POU2F2: variants seen among roughly 807,000 people sequenced by gnomAD.
POU2F2 encodes POU domain, class 2, transcription factor 2.
In POU2F2, 14 loss-of-function variants were observed where a neutral mutation model predicts 63.5. That is an observed-to-expected ratio of 0.22 (90% CI 0.15 to 0.34). The LOEUF (loss-of-function observed/expected upper bound fraction) is 0.34, where lower values mean the gene tolerates loss of function less well. Ranked by LOEUF, POU2F2 falls within the 10% of genes least tolerant of loss-of-function variation. The pLI is 1.00. For synonymous variants in POU2F2, 306 were observed against 348.6 expected (o/e 0.88, Z 1.36); for missense variants, 607 against 815.2 (o/e 0.74, Z 3.11).
chr19:42,099,127 G>T (rs571000477), intron 7 of POU2F2, among the ~76,000 whole-genome samples: 1 of 152,220 alleles, frequency 6.6e-6, no homozygotes, highest in Non-Finnish European at 1.5e-5. Context: ...ATCACCTAAC[G>T]AATGCCTTGT....
chr19:42,182,851 C>A (rs2034977294), intron 1 of POU2F2, among the ~76,000 whole-genome samples: 1 of 152,060 alleles, frequency 6.6e-6, no homozygotes, highest in African/African-American at 2.4e-5. Context: ...GAGGCCAGGG[C>A]TCAGTGGTGT....
chr19:42,179,878 T>C (rs2034941553), upstream of POU2F2, among the ~76,000 whole-genome samples: 1 of 152,142 alleles, frequency 6.6e-6, no homozygotes, highest in Non-Finnish European at 1.5e-5. Flanking sequence ...GGACCCGCAC[T>C]GTGTGCGCAA....
chr19:42,135,705 C>CT (rs574885235), upstream of POU2F2, among the ~76,000 whole-genome samples: 1,039 of 141,314 alleles, frequency 7.4e-3, 7 homozygotes, highest in South Asian at 0.024. Context: ...AGTCCAGGCT[C>CT]TTTTTTTTTT....
chr19:42,166,123 C>T (rs892885381), intron 1 of POU2F2, among the ~76,000 whole-genome samples: 14 of 152,320 alleles, frequency 9.2e-5, no homozygotes, highest in Admixed American at 3.9e-4. Context: ...GGCCCCCAAA[C>T]TATCTCTTGG....
intron 1 of POU2F2, among the ~76,000 whole-genome samples, chr19:42,128,640 G>T (rs766859931): frequency 1.4e-4 from 21 of 152,110 alleles, no homozygotes; most frequent in Admixed American, 2.6e-4. Context: ...GGACTCCAGG[G>T]CACTAGCAAT....
intron 1 of POU2F2, among the ~76,000 whole-genome samples, chr19:42,195,667 TTCCC>T (rs1360457781): frequency 2.9e-5 from 4 of 139,224 alleles, no homozygotes; most frequent in Admixed American, 7.0e-5. Flanking sequence ...CCCTTCCTCT[TTCCC>T]TCCCTCCCTT....
chr19:42,160,177 A>C (rs2034527645), intron 2 of POU2F2, among the ~76,000 whole-genome samples: 1 of 152,168 alleles, frequency 6.6e-6, no homozygotes, highest in South Asian at 2.1e-4. Flanking sequence ...GAGGGTGAGA[A>C]CAAAGCAGTC....
chr19:42,095,739 C>A lies in POU2F2; in HGVS notation c.872-46G>T. On this transcript the variant is annotated intron_variant, in intron 9 of 14. Coordinates refer to ENST00000692977, the MANE Select transcript of POU2F2 (RefSeq NM_001394376.1). The surrounding 1 kb of genome is among the most constrained non-coding windows in gnomAD (Gnocchi z 7.1). The stretch of plus-strand genomic sequence containing the variant: ...GAGCATGAGAAGGGGCCTCCCGCGG[C>A]CAGCGGCCACTGCCCGCCCCCTACG... The A allele has an allele frequency of 6.2e-7, 1 of 1,612,722 alleles. No individual in the cohort carries two copies. The highest frequency in any genetic ancestry group is 8.5e-7 in the Non-Finnish European group (1 of 1,179,844).
chr19:42,171,206 G>A (rs1267606772), intron 1 of POU2F2, among the ~76,000 whole-genome samples: 1 of 152,222 alleles, frequency 6.6e-6, no homozygotes, highest in African/African-American at 2.4e-5. Flanking sequence ...GGATTGTGAG[G>A]CTGTGTGTTT....
intron 5 of POU2F2, among the ~76,000 whole-genome samples, chr19:42,103,280 T>C (rs1316890882): frequency 6.6e-6 from 1 of 152,182 alleles, no homozygotes; most frequent in Non-Finnish European, 1.5e-5. Flanking sequence ...TACTCATTCA[T>C]GACATGCCCC....
intron 5 of POU2F2, chr19:42,116,694 A>G: frequency 3.2e-6 from 1 of 309,460 alleles, no homozygotes; most frequent in South Asian, 2.5e-5. Context: ...CCTGGTCCCC[A>G]GTGGCTGCCC....
chr19:42,111,838 A>C (rs183269223), intron 5 of POU2F2, among the ~76,000 whole-genome samples: 1 of 152,124 alleles, frequency 6.6e-6, no homozygotes, highest in East Asian at 1.9e-4. Context: ...CCTGCAGTCG[A>C]TTAGTACAGT....
At chr19:42,174,738 C>T (rs1297090546) in intron 1 of POU2F2, among the ~76,000 whole-genome samples, 2 of 151,684 alleles carry the variant, frequency 1.3e-5, no homozygotes, top group East Asian at 3.9e-4. Flanking sequence ...CCCACCAGCC[C>T]CCCACTGCAC....
chr19:42,150,483 C>T (rs1303948235), intron 2 of POU2F2, among the ~76,000 whole-genome samples: 1 of 151,250 alleles, frequency 6.6e-6, no homozygotes, highest in Non-Finnish European at 1.5e-5. Flanking sequence ...ACCAGGCTCA[C>T]ATTTGGCATT....
Position 42,090,970 on chromosome 19 carries a change from G to GA in POU2F2, c.*286_*287insT. 1 of 205,172 alleles carries GA rather than the reference G, an allele frequency of 4.9e-6. No homozygotes were observed. Among genetic ancestry groups the GA allele is most frequent in the South Asian group, 1.5e-4 (1 of 6,736 alleles). The allele number at this position is 205,172 out of a possible 1,614,324, so 12.7% of individuals were successfully genotyped here. On this transcript the variant is annotated 3_prime_UTR_variant, in exon 15 of 15. Transcript: ENST00000692977. This position sits in a 1 kb window ranked among gnomAD's most constrained non-coding sequence, Gnocchi z 4.4. ...TTTTTTGGTTTGTTTGATTTTGTGG[G>GA]TTTTTTTTTTTTTTGGTTTGTTTTT...
intron 5 of POU2F2, among the ~76,000 whole-genome samples, chr19:42,106,686 A>C (rs931663220): frequency 4.6e-5 from 7 of 151,906 alleles, no homozygotes; most frequent in African/African-American, 1.7e-4. Context: ...TAGATGTGAG[A>C]ATCTTTTGAG....
chr19:42,183,595 A>G (rs1418949100), intron 1 of POU2F2, among the ~76,000 whole-genome samples: 1 of 152,224 alleles, frequency 6.6e-6, no homozygotes, highest in African/African-American at 2.4e-5. Flanking sequence ...AAATTATATC[A>G]CAATAAAGCT....
chr19:42,196,878 G>GC (rs376111538), upstream of POU2F2, among the ~76,000 whole-genome samples: 445 of 152,346 alleles, frequency 2.9e-3, 3 homozygotes, highest in African/African-American at 0.01. Context: ...GCACGTGCTG[G>GC]CCAGAGGCAC....
intron 5 of POU2F2, among the ~76,000 whole-genome samples, chr19:42,102,520 G>A (rs909828049): frequency 4.6e-5 from 7 of 151,982 alleles, no homozygotes; most frequent in African/African-American, 1.7e-4. Context: ...ACCTTGGGTG[G>A]TTGAGGCAGG....
Sources: allele counts gnomAD v4.1 joint callset (sites outside exome capture counted in the v4.1 genomes callset), GRCh38; gene constraint gnomAD v4.1.1; non-coding constraint Gnocchi (gnomAD v3.1); transcripts MANE v1.5; gene names NCBI Gene and HGNC (gene_info 2026-07-23, HGNC 2026-07-21).